The following FADS1 variants were observed in gnomAD, a reference collection of about 807,000 sequenced individuals.
FADS1 encodes fatty acid desaturase 1.
In FADS1, 17 loss-of-function variants were observed where a neutral mutation model predicts 61.6. The observed-to-expected ratio is 0.28, with a 90% CI of 0.19 to 0.41. FADS1 has a LOEUF of 0.41. Among genes scored for constraint, FADS1 ranks in the 10% least tolerant of loss-of-function variants. The pLI is 1.00. For missense variants in FADS1, 387 were observed against 650.9 expected (o/e 0.59, Z 4.41); for synonymous variants, 238 against 258.7 (o/e 0.92, Z 0.77).
At position 61,801,983 on chromosome 11, in the gene FADS1, C is replaced by T. The variant is rs1413132185; in HGVS notation, c.*428G>A. On this transcript the variant is annotated 3_prime_UTR_variant, in exon 12 of 12. Coordinates refer to ENST00000350997, the MANE Select transcript of FADS1 (RefSeq NM_013402.7). ...GCAACCTCCACCTCCCCGGTTCAAG[C>T]GATTCTCCTGCCTCAGCCTCCTGGG... 1.1e-5 allele frequency: 2 copies of T among 189,252 alleles called. No homozygotes were observed. Among genetic ancestry groups the T allele is most frequent in the African/African-American group, 2.4e-5 (1 of 42,382 alleles). The allele number at this position is 189,252 out of a possible 1,614,324, so 11.7% of individuals were successfully genotyped here.
chr11:61,813,246 C>T lies in FADS1; in HGVS notation c.483G>A (p.Lys161=). 6.3e-7 allele frequency: 1 copy of T among 1,594,220 alleles called. No homozygotes were observed. Among genetic ancestry groups the T allele is most frequent in the East Asian group, 2.2e-5 (1 of 44,780 alleles). The part of the protein sequence containing the change: ...SPEQPSFEPT[K]NKELTDEFRE... ...CATAGCAAACACAGGGTCTTACATT[C>T]TTGGTGGGCTCAAAGCTGGGCTGCT... is the stretch of plus-strand genomic sequence containing the variant. Residue 161 remains lysine, a synonymous_variant, in exon 2 of 12, where the codon AAG becomes AAA. Coordinates refer to ENST00000350997, the MANE Select transcript of FADS1 (RefSeq NM_013402.7).
intron 5 of FADS1, among the ~76,000 whole-genome samples, chr11:61,808,875 A>G (rs1010848118): frequency 6.6e-6 from 1 of 152,172 alleles, no homozygotes; most frequent in African/African-American, 2.4e-5. Flanking sequence ...CACTGAGGTT[A>G]TATCTGTGAT....
chr11:61,802,621 A>T lies in FADS1; in HGVS notation c.1455-159T>A, dbSNP rs533598964. Among the ~76,000 whole-genome samples the T allele has an allele frequency of 2.0e-5, 3 of 152,340 alleles. No homozygotes were observed. Among genetic ancestry groups the T allele is most frequent in the Admixed American group, 6.5e-5 (1 of 15,304 alleles). Reference sequence around the variant, plus strand: ...GGCCATGGTACTGAGGGGAACCCCAATGAGGGCAAAGGCCTGACCTGGCCA... The same window carrying T: ...GGCCATGGTACTGAGGGGAACCCCATTGAGGGCAAAGGCCTGACCTGGCCA... On this transcript the variant is annotated intron_variant, in intron 11 of 11. Transcript: ENST00000350997. This position sits in a 1 kb window ranked among gnomAD's most constrained non-coding sequence, Gnocchi z 4.2.
rs569016255 is a variant in FADS1, at chr11:61,801,072, A to C, written c.*1339T>G. ...AAATCACAAACTGTTCTGTGGTTTT[A>C]ATCTTCCTATTTCTGATTTAGAAGT... On this transcript the variant is annotated 3_prime_UTR_variant, in exon 12 of 12. Transcript: ENST00000350997. 5 of 152,476 alleles carry C rather than the reference A, an allele frequency of 3.3e-5. No individual in the cohort carries two copies. Among genetic ancestry groups the C allele is most frequent in the African/African-American group, 1.2e-4 (5 of 41,584 alleles). 9.4% of individuals were successfully genotyped at this position (152,476 alleles called of 1,614,324 possible).
rs2066967102 is a variant in FADS1, at chr11:61,815,123, G to C, written c.375+1432C>G. 1 of 161,598 alleles carries C rather than the reference G, an allele frequency of 6.2e-6. No homozygotes were observed. Among genetic ancestry groups the C allele is most frequent in the Admixed American group, 6.5e-5 (1 of 15,296 alleles). 10.0% of individuals were successfully genotyped at this position (161,598 alleles called of 1,614,324 possible). A position where few individuals can be genotyped will look rare whatever the true frequency, so the allele number is the denominator to read the frequency against. ...ATGGCGATAAGATTCACGTTGGCAG[G>C]TCCGGCAGCCCCGGGCCCTGTAAGT... is the stretch of plus-strand genomic sequence containing the variant. On this transcript the variant is annotated intron_variant, in intron 1 of 11. Transcript: ENST00000350997. The surrounding 1 kb of genome is among the most constrained non-coding windows in gnomAD (Gnocchi z 6.4).
At position 61,802,694 on chromosome 11, in the gene FADS1, C is replaced by A. The variant is rs2066864529; in HGVS notation, c.1454+107G>T. 2.7e-6 allele frequency: 4 copies of A among 1,506,490 alleles called. No homozygotes were observed. The East Asian group carries it at 6.8e-5, about 26-fold the overall frequency. The allele number at this position is 1,506,490 out of a possible 1,614,324, so 93.3% of individuals were successfully genotyped here. Reference sequence around the variant, plus strand: ...CTTTGCCATGGTGAACTCCATCCCACACGACTGGGAACACCTTCTGTTCAC... The same window carrying A: ...CTTTGCCATGGTGAACTCCATCCCAAACGACTGGGAACACCTTCTGTTCAC... On this transcript the variant is annotated intron_variant, in intron 11 of 11. Coordinates refer to ENST00000350997, the MANE Select transcript of FADS1 (RefSeq NM_013402.7). This position sits in a 1 kb window ranked among gnomAD's most constrained non-coding sequence, Gnocchi z 4.2.
In FADS1 at chr11:61,803,702, C is replaced by T; in HGVS notation, c.1119G>A (p.Leu373=). The T allele has an allele frequency of 1.2e-6, 2 of 1,613,958 alleles. No individual in the cohort carries two copies. Among genetic ancestry groups the T allele is most frequent in the Non-Finnish European group, 1.7e-6 (2 of 1,179,806 alleles). ...TGAAGAAAAGGCCCAGGAAGGCTTTCAGCCCCAATAGTGGCACATAAGTGA... is the reference window on the plus strand; with the variant it reads ...TGAAGAAAAGGCCCAGGAAGGCTTTTAGCCCCAATAGTGGCACATAAGTGA... The part of the protein sequence containing the change: ...FFLTYVPLLG[L]KAFLGLFFIV... The change falls in exon 8 of 12, where the codon CTG becomes CTA. Residue 373 remains leucine (L), a synonymous_variant. Transcript: ENST00000350997. The surrounding 1 kb of genome is among the most constrained non-coding windows in gnomAD (Gnocchi z 4.3).
intron 3 of FADS1, 55 bp downstream of exon 3, chr11:61,812,416 C>A (rs764538767): frequency 3.2e-6 from 5 of 1,560,232 alleles, no homozygotes; most frequent in Admixed American, 1.7e-5. Context: ...ACCCAAGGAG[C>A]TTTCCCCAGG....
intron 6 of FADS1, chr11:61,806,348 CAAAAA>C (rs59417762): frequency 3.4e-4 from 53 of 156,622 alleles, no homozygotes; most frequent in South Asian, 4.9e-4. Flanking sequence ...GACTCCGTCT[CAAAAA>C]AAAAAAAAAA....
Position 61,816,491 on chromosome 11 carries a change from C to G in FADS1, c.375+64G>C, listed in dbSNP as rs1211030255. 30 of 1,600,230 alleles carry G rather than the reference C, an allele frequency of 1.9e-5. No homozygotes were observed. In the Admixed American group the frequency reaches 4.6e-4, roughly 24 times the overall value. On this transcript the variant is annotated intron_variant, in intron 1 of 11. Transcript: ENST00000350997. The surrounding 1 kb of genome is among the most constrained non-coding windows in gnomAD (Gnocchi z 7.0). Reference sequence around the variant, plus strand: ...GGTGTTTGGCTCGGAGTGCGTAACTCTGTCTCCCCTGCACTCAGCCTCCGG... The same window carrying G: ...GGTGTTTGGCTCGGAGTGCGTAACTGTGTCTCCCCTGCACTCAGCCTCCGG...
intron 6 of FADS1, 116 bp from the exon 7 acceptor site, chr11:61,804,877 C>A (rs1749161879): frequency 1.2e-6 from 1 of 832,928 alleles, no homozygotes. Context: ...ACCATCCCTT[C>A]TGTCTCCCCT....
At chr11:61,813,758 G>A (rs1260035654) in intron 1 of FADS1, among the ~76,000 whole-genome samples, 1 of 152,118 alleles carries the variant, frequency 6.6e-6, no homozygotes, top group African/African-American at 2.4e-5. Flanking sequence ...GAGGTCAGGA[G>A]ATCGAGACCA....
rs174549 is a variant in FADS1, at chr11:61,803,910, G to A, written c.1054-143C>T. ...AGCTTCTCAGGGGTCCAATCCTGCA[G>A]TATCTAGTGCCACTGCTCCTTTCTT... On this transcript the variant is annotated intron_variant, in intron 7 of 11. Transcript: ENST00000350997. This position sits in a 1 kb window ranked among gnomAD's most constrained non-coding sequence, Gnocchi z 4.3. 196,614 of 659,588 alleles carry A rather than the reference G, an allele frequency of 0.3. 34,651 individuals carry two copies. The highest frequency in any genetic ancestry group is 0.55 in the Admixed American group (23,441 of 42,426). The allele number at this position is 659,588 out of a possible 1,614,324, so 40.9% of individuals were successfully genotyped here.
rs1386806140 is a variant in FADS1, at chr11:61,799,984, T to C, written c.*2427A>G. The C allele has an allele frequency of 6.5e-6, 1 of 152,786 alleles. No individual in the cohort carries two copies. The highest frequency in any genetic ancestry group is 1.5e-5 in the Non-Finnish European group (1 of 68,042). 9.5% of individuals were successfully genotyped at this position (152,786 alleles called of 1,614,324 possible). ...CTGCTGTAGGCTGAGAAGGCCACAG[T>C]GGTTCAGGTGCTTTGAGGACTTGGT... On this transcript the variant is annotated 3_prime_UTR_variant, in exon 12 of 12. Transcript: ENST00000350997.
chr11:61,803,202 A>G lies in FADS1; in HGVS notation c.1249-91T>C. The G allele has an allele frequency of 5.2e-6, 7 of 1,347,298 alleles. No homozygotes were observed. Among genetic ancestry groups the G allele is most frequent in the East Asian group, 2.3e-5 (1 of 43,512 alleles). 83.5% of individuals were successfully genotyped at this position (1,347,298 alleles called of 1,614,324 possible). On this transcript the variant is annotated intron_variant, in intron 9 of 11. Transcript: ENST00000350997. This position sits in a 1 kb window ranked among gnomAD's most constrained non-coding sequence, Gnocchi z 4.3. ...AGGTAAAGCTGGCTGAGGAAGGGAC[A>G]TGAGACTGTCTTGGTCACTCCCTTC...
rs2066896998 is a variant in FADS1, at chr11:61,806,670, A to G, written c.970T>C (p.Phe324Leu). The G allele has an allele frequency of 6.2e-7, 1 of 1,614,026 alleles. No homozygotes were observed. The highest frequency in any genetic ancestry group is 1.3e-5 in the African/African-American group (1 of 75,050). Residue 324 changes from phenylalanine to leucine, a missense_variant, in exon 6 of 12, where the codon TTC becomes CTC. Coordinates refer to ENST00000350997, the MANE Select transcript of FADS1 (RefSeq NM_013402.7). ...MPYNHQHKYF[F>L]LIGPPALLPL... is the part of the protein sequence containing the mutation. ...GTTGGATGGGGACACTCACTTAGGA[A>G]GAAGTATTTGTGCTGGTGGTTGTAC...
Position 61,816,751 on chromosome 11 carries a change from G to T in FADS1, c.179C>A (p.Pro60His), listed in dbSNP as rs2066988453. ...ARGVARPAMA[P>H]DPVAAETAAQ... ...CGCGGTCTCGGCGGCCACCGGGTCG[G>T]GGGCCATAGCTGGCCTGGCGACGCC... The change falls in exon 1 of 12, where the codon CCC (proline) becomes CAC (histidine). Residue 60 changes from proline (P) to histidine (H), a missense_variant. Physicochemically the swap from Pro to His is moderately conservative, Grantham distance 77. Coordinates refer to ENST00000350997, the MANE Select transcript of FADS1 (RefSeq NM_013402.7). The surrounding 1 kb of genome is among the most constrained non-coding windows in gnomAD (Gnocchi z 7.0). The T allele has an allele frequency of 6.5e-7, 1 of 1,549,122 alleles. No homozygotes were observed. Among genetic ancestry groups the T allele is most frequent in the African/African-American group, 1.4e-5 (1 of 73,320 alleles).
At position 61,802,468 on chromosome 11, in the gene FADS1, G is replaced by A; in HGVS notation, c.1455-6C>T. The A allele has an allele frequency of 6.4e-7, 1 of 1,560,976 alleles. No individual in the cohort carries two copies. ...GCCCTGACTCCTTTAGTGAGCTGCAGGGACAAAATGGGGGCAGACAGTGAG... is the reference window on the plus strand; with the variant it reads ...GCCCTGACTCCTTTAGTGAGCTGCAAGGACAAAATGGGGGCAGACAGTGAG... On this transcript the variant is annotated splice_polypyrimidine_tract_variant and splice_region_variant and intron_variant, in intron 11 of 11. Coordinates refer to ENST00000350997, the MANE Select transcript of FADS1 (RefSeq NM_013402.7). This position sits in a 1 kb window ranked among gnomAD's most constrained non-coding sequence, Gnocchi z 4.2.
Position 61,803,222 on chromosome 11 carries a change from CCCTT to C in FADS1, c.1249-115_1249-112del. On this transcript the variant is annotated intron_variant, in intron 9 of 11. Coordinates refer to ENST00000350997, the MANE Select transcript of FADS1 (RefSeq NM_013402.7). The surrounding 1 kb of genome is among the most constrained non-coding windows in gnomAD (Gnocchi z 4.3). ...GGGACATGAGACTGTCTTGGTCACT[CCCTT>C]CACATGGTTGCAGAACAAGAGCCTC... is the stretch of plus-strand genomic sequence containing the variant. 7.2e-6 allele frequency: 9 copies of C among 1,251,728 alleles called. No individual in the cohort carries two copies. The highest frequency in any genetic ancestry group is 1.1e-5 in the Non-Finnish European group (9 of 855,880). 77.5% of individuals were successfully genotyped at this position (1,251,728 alleles called of 1,614,324 possible).
Sources: allele counts gnomAD v4.1 joint callset (sites outside exome capture counted in the v4.1 genomes callset), GRCh38; gene constraint gnomAD v4.1.1; non-coding constraint Gnocchi (gnomAD v3.1); transcripts MANE v1.5; gene names NCBI Gene and HGNC (gene_info 2026-07-23, HGNC 2026-07-21).